IL3RA: variants seen among roughly 807,000 people sequenced by gnomAD.
IL3RA encodes the protein interleukin-3 receptor subunit alpha.
A neutral mutation model predicts 52.3 loss-of-function variants in IL3RA; 73 were observed. The ratio of observed to expected loss-of-function variants is 1.40; its 90% confidence interval spans 1.16 to 1.70. The LOEUF (loss-of-function observed/expected upper bound fraction) is 1.70. Ranked by LOEUF, IL3RA falls within the 40% of genes most tolerant of loss-of-function variation. The probability of loss-of-function intolerance (pLI) is 0.00; values close to 1 mark genes in which losing one functional copy is unlikely to be tolerated. For missense variants in IL3RA, 664 were observed against 504.4 expected (o/e 1.32, Z -3.03); for synonymous variants, 260 against 194.0 (o/e 1.34, Z -2.83).
chrX:1,339,925 TTGTTACGGTAAC>T (rs2085424763), intron 1 of IL3RA, among the ~76,000 whole-genome samples: 2 of 152,050 alleles, frequency 1.3e-5, no homozygotes, highest in Admixed American at 6.6e-5. Flanking sequence ...CTGTACCCCC[TTGTTACGGTAAC>T]TGCAGCCACT....
intron 1 of IL3RA, among the ~76,000 whole-genome samples, chrX:1,338,012 AT>A (rs2085369004): frequency 6.7e-6 from 1 of 148,976 alleles, no homozygotes; most frequent in African/African-American, 2.5e-5. Context: ...CTATAGATGA[AT>A]GGAGAAATAT....
intron 7 of IL3RA, among the ~76,000 whole-genome samples, chrX:1,357,981 T>C (rs2086867405): frequency 6.6e-6 from 1 of 151,538 alleles, no homozygotes; most frequent in South Asian, 2.1e-4. Context: ...GGCGGGCGCC[T>C]GTAGTCCCAG....
chrX:1,348,070 G>A (rs1206470618), intron 3 of IL3RA, among the ~76,000 whole-genome samples: 1 of 147,302 alleles, frequency 6.8e-6, no homozygotes, highest in African/African-American at 2.5e-5. Flanking sequence ...GTCTTGGCCG[G>A]GCACGGTGGC....
chrX:1,348,712 G>T (rs1332784537), intron 4 of IL3RA, among the ~76,000 whole-genome samples, 167 bp downstream of exon 4: 15 of 57,534 alleles, frequency 2.6e-4, no homozygotes, highest in South Asian at 5.2e-4. Flanking sequence ...TTCTGTTTCT[G>T]TTTCTTTCTT....
At chrX:1,357,898 A>C (rs2086859315) in intron 7 of IL3RA, among the ~76,000 whole-genome samples, 1 of 149,002 alleles carries the variant, frequency 6.7e-6, no homozygotes, top group Non-Finnish European at 1.5e-5. Context: ...GTCAGGAGAT[A>C]GAGACCATCC....
At chrX:1,368,622 G>A (rs747592813) in intron 9 of IL3RA, among the ~76,000 whole-genome samples, 29 of 152,282 alleles carry the variant, frequency 1.9e-4, no homozygotes, top group African/African-American at 6.7e-4. Context: ...GAGGTCATTA[G>A]GGTGGGCCCT....
chrX:1,339,250 C>T (rs2085401898), intron 1 of IL3RA, among the ~76,000 whole-genome samples: 1 of 152,144 alleles, frequency 6.6e-6, no homozygotes, highest in Non-Finnish European at 1.5e-5. Flanking sequence ...GTGTGGTGAG[C>T]CCATGAGCTG....
In IL3RA at chrX:1,345,941, G is replaced by A. The variant is rs146468013; in HGVS notation, c.183+507G>A. On this transcript the variant is annotated intron_variant, in intron 3 of 11. Coordinates refer to ENST00000331035, the MANE Select transcript of IL3RA (RefSeq NM_002183.4). ...GTGACTTTGGAGGGTCTGGTTCCCC[G>A]TCCGCGGGACATCTAAGATGGCACA... Among the ~76,000 whole-genome samples, 1,228 of 152,090 alleles carry A rather than the reference G, an allele frequency of 8.1e-3. 32 individuals carry two copies. The highest frequency in any genetic ancestry group is 0.028 in the African/African-American group (1,149 of 41,390).
chrX:1,359,880 A>T (rs1356785724), intron 8 of IL3RA, among the ~76,000 whole-genome samples: 27 of 83,714 alleles, frequency 3.2e-4, no homozygotes, highest in East Asian at 7.1e-4. Flanking sequence ...TGTCTCTGTA[A>T]CCTTCTCCAT....
rs1448303602 is a variant in IL3RA, at chrX:1,365,337, CGCGGGGTGAGCGGGGTGA to C, written c.874+97_874+114del. 483 of 406,456 alleles carry C rather than the reference CGCGGGGTGAGCGGGGTGA, an allele frequency of 1.2e-3. 24 individuals carry two copies. The highest frequency in any genetic ancestry group is 9.6e-3 in the South Asian group (320 of 33,486). 25.2% of individuals were successfully genotyped at this position (406,456 alleles called of 1,614,324 possible). A position where few individuals can be genotyped will look rare whatever the true frequency, so the allele number is the denominator to read the frequency against. On this transcript the variant is annotated intron_variant, in intron 9 of 11. Coordinates refer to ENST00000331035, the MANE Select transcript of IL3RA (RefSeq NM_002183.4). ...CGGGGTGCGCGGGGTGAGCGGGGTG[CGCGGGGTGAGCGGGGTGA>C]GCGGGGTGAGCCGGGTGCGCGGGGT...
At chrX:1,351,143 G>C (rs1354346106) in intron 4 of IL3RA, among the ~76,000 whole-genome samples, 2 of 151,912 alleles carry the variant, frequency 1.3e-5, no homozygotes, top group Non-Finnish European at 1.5e-5. Flanking sequence ...GGAGGTGGAG[G>C]TTGCAGTGAG....
At chrX:1,348,145 G>A (rs1462834869) in intron 3 of IL3RA, among the ~76,000 whole-genome samples, 18 of 150,972 alleles carry the variant, frequency 1.2e-4, no homozygotes, top group Admixed American at 2.6e-4. Context: ...TCAGGAGTTC[G>A]AGACCAGCCT....
intron 6 of IL3RA, 41 bp from the exon 7 acceptor site, chrX:1,356,180 C>A (rs778981313): frequency 6.7e-6 from 8 of 1,200,516 alleles, no homozygotes; most frequent in South Asian, 2.6e-5. Context: ...GAATTGATTT[C>A]TTGTACTCCT....
chrX:1,378,164 C>G (rs1426589571), intron 9 of IL3RA, among the ~76,000 whole-genome samples: 1 of 112,930 alleles, frequency 8.9e-6, no homozygotes, highest in Admixed American at 1.1e-4. Context: ...GCCTGGGCGA[C>G]AAAACGAGAC....
At chrX:1,352,581 G>A (rs1263236584) in intron 6 of IL3RA, 75 bp downstream of exon 6, 10 of 1,440,802 alleles carry the variant, frequency 6.9e-6, no homozygotes, top group Middle Eastern at 2.5e-4. Flanking sequence ...CAGATCCCAC[G>A]GGACCACGTG....
intron 1 of IL3RA, among the ~76,000 whole-genome samples, chrX:1,339,589 C>T (rs1247111591): frequency 2.0e-5 from 3 of 152,078 alleles, no homozygotes; most frequent in South Asian, 2.1e-4. Flanking sequence ...GTCAGGAGTT[C>T]GAGACCAGCC....
chrX:1,344,080 C>G (rs1448525201), intron 2 of IL3RA, among the ~76,000 whole-genome samples: 1 of 152,050 alleles, frequency 6.6e-6, no homozygotes, highest in Non-Finnish European at 1.5e-5. Context: ...GGGCGTGAGC[C>G]ACCACGCCCG....
chrX:1,343,805 T>TC (rs1293845530), intron 2 of IL3RA, among the ~76,000 whole-genome samples: 22 of 143,914 alleles, frequency 1.5e-4, no homozygotes, highest in African/African-American at 5.5e-4. Flanking sequence ...GGAGTTTTTT[T>TC]GTTTTTTTGA....
Position 1,341,906 on chromosome X carries a change from T to C in IL3RA, c.64+77T>C, listed in dbSNP as rs2085511764. On this transcript the variant is annotated intron_variant, in intron 2 of 11. Coordinates refer to ENST00000331035, the MANE Select transcript of IL3RA (RefSeq NM_002183.4). ...ACAGACACACAATGTCAGCGTGCCG[T>C]CCTTCAGGGAAACTTTTCATGCTGA... 4 of 1,478,598 alleles carry C rather than the reference T, an allele frequency of 2.7e-6. No homozygotes were observed. The South Asian group carries it at 4.5e-5, about 17-fold the overall frequency. The allele number at this position is 1,478,598 out of a possible 1,614,324, so 91.6% of individuals were successfully genotyped here.
Sources: allele counts gnomAD v4.1 joint callset (sites outside exome capture counted in the v4.1 genomes callset), GRCh38; gene constraint gnomAD v4.1.1; transcripts MANE v1.5; gene names NCBI Gene and HGNC (gene_info 2026-07-23, HGNC 2026-07-21).